RTF2: variants seen among roughly 807,000 people sequenced by gnomAD.
RTF2 encodes replication termination factor 2, also known as UPF0549 protein C20orf43.
Under a neutral mutation model 38.0 loss-of-function variants are expected in RTF2, and 18 were observed. The observed-to-expected ratio is 0.47, with a 90% CI of 0.33 to 0.70. The LOEUF (loss-of-function observed/expected upper bound fraction) is 0.70, where lower values mean the gene tolerates loss of function less well. Among genes scored for constraint, RTF2 ranks in the 30% least tolerant of loss-of-function variants. RTF2 has a pLI of 0.02. For synonymous variants in RTF2, 126 were observed against 137.1 expected (o/e 0.92, Z 0.57); for missense variants, 311 against 379.6 (o/e 0.82, Z 1.50).
chr20:56,485,384 T>G (rs1982739944), intron 5 of RTF2, among the ~76,000 whole-genome samples: 1 of 152,042 alleles, frequency 6.6e-6, no homozygotes, highest in African/African-American at 2.4e-5. Flanking sequence ...TAGATGAGAT[T>G]AAAGAGTTAG....
At chr20:56,482,819 G>A (rs535029997) in intron 4 of RTF2, among the ~76,000 whole-genome samples, 4 of 152,142 alleles carry the variant, frequency 2.6e-5, no homozygotes, top group Non-Finnish European at 5.9e-5. Flanking sequence ...GCTTTATGCT[G>A]CTCTCCAGCC....
intron 5 of RTF2, among the ~76,000 whole-genome samples, chr20:56,493,747 A>G (rs1983327407): frequency 1.3e-5 from 2 of 152,206 alleles, no homozygotes; most frequent in South Asian, 4.1e-4. Context: ...CACCTTGATT[A>G]TAATGATACA....
chr20:56,496,824 T>C, intron 5 of RTF2: 1 of 1,551,910 alleles, frequency 6.4e-7, no homozygotes, highest in South Asian at 1.2e-5. Flanking sequence ...GAATCTGTTA[T>C]TTGGAGGTGC....
chr20:56,491,622 CT>C, intron 5 of RTF2: 2 of 1,551,914 alleles, frequency 1.3e-6, no homozygotes, highest in Non-Finnish European at 1.7e-6. Context: ...TCTATAGGAA[CT>C]TCTGCCTGCC....
Position 56,473,328 on chromosome 20 carries a change from C to T in RTF2, c.97C>T (p.Gln33Ter). 1 of 1,613,534 alleles carries T rather than the reference C, an allele frequency of 6.2e-7. No homozygotes were observed. Among genetic ancestry groups the T allele is most frequent in the Admixed American group, 1.7e-5 (1 of 59,964 alleles). ...CGACAAAGATGCTGAATTAGTGGCC[C>T]AATGGAACTATTGTACTCTAAGTCA... is the stretch of plus-strand genomic sequence containing the variant. ...KVDKDAELVA[Q>*]WNYCTLSQEI... The change falls in exon 2 of 9, where the codon CAA (glutamine) becomes TAA (stop). Residue 33 changes from glutamine (Q) to a stop codon, truncating the protein, a stop_gained. Coordinates refer to ENST00000357348, the MANE Select transcript of RTF2 (RefSeq NM_016407.5). LOFTEE classifies it high-confidence loss of function.
chr20:56,476,903 A>C, intron 3 of RTF2, 82 bp from the exon 4 acceptor site: 1 of 1,400,410 alleles, frequency 7.1e-7, no homozygotes, highest in Non-Finnish European at 9.9e-7. Flanking sequence ...GGCTGGAATA[A>C]CAATTTGTTG....
intron 5 of RTF2, among the ~76,000 whole-genome samples, chr20:56,511,093 T>A (rs934010597): frequency 6.6e-6 from 1 of 152,228 alleles, no homozygotes; most frequent in African/African-American, 2.4e-5. Flanking sequence ...AAGTTTGTAA[T>A]TTTTACATGG....
chr20:56,502,166 A>G (rs1209896375), intron 5 of RTF2, among the ~76,000 whole-genome samples: 1 of 152,222 alleles, frequency 6.6e-6, no homozygotes, highest in East Asian at 1.9e-4. Context: ...TGTCAAACTT[A>G]TGGTCAAGGA....
chr20:56,516,854 C>T, intron 6 of RTF2, 81 bp from the exon 7 acceptor site: 1 of 1,335,398 alleles, frequency 7.5e-7, no homozygotes, highest in Non-Finnish European at 1.1e-6. Flanking sequence ...AGACAGGGCA[C>T]CCGGGACAAT....
chr20:56,487,499 TATGAC>T (rs1982858816), intron 5 of RTF2, among the ~76,000 whole-genome samples: 1 of 152,246 alleles, frequency 6.6e-6, no homozygotes, highest in African/African-American at 2.4e-5. Context: ...TTTCTGCAGT[TATGAC>T]AGGGCACTGG....
intron 4 of RTF2, 84 bp from the exon 5 acceptor site, chr20:56,484,027 G>A: frequency 8.8e-7 from 1 of 1,141,702 alleles, no homozygotes; most frequent in East Asian, 2.4e-5. Context: ...AATCTTTGTG[G>A]TTCTTGGCCT....
intron 5 of RTF2, among the ~76,000 whole-genome samples, chr20:56,498,554 G>A (rs951349530): frequency 6.6e-6 from 1 of 152,054 alleles, no homozygotes; most frequent in African/African-American, 2.4e-5. Context: ...TAAAAACAAG[G>A]TATCTTTATC....
chr20:56,495,176 T>C, intron 5 of RTF2: 2 of 1,497,438 alleles, frequency 1.3e-6, no homozygotes, highest in Non-Finnish European at 1.8e-6. Flanking sequence ...GAAGCCTTTT[T>C]TGTTTTGTTT....
chr20:56,482,106 G>T (rs1982555098), intron 4 of RTF2, among the ~76,000 whole-genome samples: 1 of 152,000 alleles, frequency 6.6e-6, no homozygotes, highest in East Asian at 1.9e-4. Context: ...TGCTTATTTT[G>T]ACTTTGTCCA....
Position 56,468,666 on chromosome 20 carries a change from G to C in RTF2, c.-32G>C. On this transcript the variant is annotated 5_prime_UTR_variant, in exon 1 of 9. Coordinates refer to ENST00000357348, the MANE Select transcript of RTF2 (RefSeq NM_016407.5). Reference sequence around the variant, plus strand: ...AAATCCCGGAAGTGACAGCTTTGGGGGTTTGCTGCTGGCTCTGACTCCCGT... The same window carrying C: ...AAATCCCGGAAGTGACAGCTTTGGGCGTTTGCTGCTGGCTCTGACTCCCGT... The C allele has an allele frequency of 6.4e-7, 1 of 1,551,962 alleles. No homozygotes were observed. Among genetic ancestry groups the C allele is most frequent in the Non-Finnish European group, 8.7e-7 (1 of 1,145,860 alleles).
At chr20:56,496,464 C>T (rs1355430705) in intron 5 of RTF2, among the ~76,000 whole-genome samples, 2 of 152,286 alleles carry the variant, frequency 1.3e-5, no homozygotes, top group Admixed American at 6.5e-5. Flanking sequence ...GGGAGAATCG[C>T]GTGAACCCGG....
chr20:56,474,909 C>A, intron 3 of RTF2, 138 bp downstream of exon 3: 2 of 514,876 alleles, frequency 3.9e-6, no homozygotes, highest in Non-Finnish European at 6.9e-6. Flanking sequence ...CAGGTATGAT[C>A]TTGAGAGGTC....
rs78942830 is a variant in RTF2, at chr20:56,489,926, G to C, written c.477+5737G>C. On this transcript the variant is annotated intron_variant, in intron 5 of 8. Coordinates refer to ENST00000357348, the MANE Select transcript of RTF2 (RefSeq NM_016407.5). ...TATCGCCTTTGGGGGCGCCGTGTTTGCCTGTAGAAATGTGTGGGAAGGTGG... is the reference window on the plus strand; with the variant it reads ...TATCGCCTTTGGGGGCGCCGTGTTTCCCTGTAGAAATGTGTGGGAAGGTGG... Among the ~76,000 whole-genome samples the C allele has an allele frequency of 3.6e-3, 544 of 152,358 alleles. 4 individuals are homozygous for C. The highest frequency in any genetic ancestry group is 0.015 in the South Asian group (71 of 4,830).
At chr20:56,483,651 C>T (rs1335047210) in intron 4 of RTF2, among the ~76,000 whole-genome samples, 2 of 152,050 alleles carry the variant, frequency 1.3e-5, no homozygotes, top group African/African-American at 2.4e-5. Context: ...AATTACTGCC[C>T]GATAGGTAAA....
Sources: gnomAD v4.1 joint callset for allele counts (sites outside exome capture counted in the v4.1 genomes callset) on GRCh38, gnomAD v4.1.1 for gene constraint, MANE v1.5 for transcripts, NCBI Gene and HGNC (gene_info 2026-07-23, HGNC 2026-07-21) for gene names.